The following UBE2R2 variants were observed in gnomAD, a reference collection of about 807,000 sequenced individuals.
UBE2R2 encodes ubiquitin conjugating enzyme E2 R2.
A neutral mutation model predicts 27.8 loss-of-function variants in UBE2R2; 1 was observed. The ratio of observed to expected loss-of-function variants is 0.04; its 90% CI spans 0.01 to 0.17. The LOEUF (loss-of-function observed/expected upper bound fraction) is 0.17. UBE2R2 is among the 10% of genes least tolerant of loss of function. UBE2R2 has a pLI of 1.00. For missense variants in UBE2R2, 100 were observed against 291.0 expected (o/e 0.34, Z 4.78); for synonymous variants, 106 against 113.3 (o/e 0.94, Z 0.41).
intron 1 of UBE2R2, among the ~76,000 whole-genome samples, chr9:33,833,352 A>G (rs1299108033): frequency 6.6e-6 from 1 of 152,134 alleles, no homozygotes; most frequent in Non-Finnish European, 1.5e-5. Flanking sequence ...GGCGTGAGCC[A>G]CCGCGCCCGA....
intron 1 of UBE2R2, among the ~76,000 whole-genome samples, chr9:33,859,781 TGTGTGTGTGTGTGTGTGTGAGA>T (rs1230002416): frequency 1.6e-4 from 19 of 118,562 alleles, no homozygotes; most frequent in Admixed American, 9.4e-4. Flanking sequence ...TGTGTGTGTG[TGTGTGTGTGTGTGTGTGTGAGA>T]GAGAGAGAGA....
At chr9:33,865,264 C>T (rs749033953) in intron 1 of UBE2R2, among the ~76,000 whole-genome samples, 140 of 151,854 alleles carry the variant, frequency 9.2e-4, no homozygotes, top group Middle Eastern at 3.4e-3. Flanking sequence ...TGCAGTGGTG[C>T]GATCTCGGCT....
intron 1 of UBE2R2, among the ~76,000 whole-genome samples, chr9:33,846,305 A>T (rs892898421): frequency 6.6e-6 from 1 of 152,100 alleles, no homozygotes; most frequent in African/African-American, 2.4e-5. Flanking sequence ...AAAATAAAAT[A>T]AAATATTCTA....
At chr9:33,904,826 G>A (rs757837416) in intron 3 of UBE2R2, among the ~76,000 whole-genome samples, 4 of 152,198 alleles carry the variant, frequency 2.6e-5, no homozygotes, top group African/African-American at 9.6e-5. Flanking sequence ...GGAGGTGGTG[G>A]GGAGAGTTTC....
At chr9:33,908,419 G>A (rs1453219583) in intron 3 of UBE2R2, among the ~76,000 whole-genome samples, 4 of 152,136 alleles carry the variant, frequency 2.6e-5, no homozygotes, top group African/African-American at 4.8e-5. Context: ...TGTTTGTATA[G>A]GAGGTGTGGC....
chr9:33,896,449 G>T (rs1346838803), intron 2 of UBE2R2, among the ~76,000 whole-genome samples: 2 of 143,042 alleles, frequency 1.4e-5, no homozygotes, highest in African/African-American at 2.5e-5. Context: ...GGTTTTTTTG[G>T]TTTTTTTTTT....
At chr9:33,878,875 T>C (rs1490365445) in intron 1 of UBE2R2, among the ~76,000 whole-genome samples, 5 of 152,156 alleles carry the variant, frequency 3.3e-5, no homozygotes, top group Non-Finnish European at 5.9e-5. Flanking sequence ...GGAGGACTTA[T>C]GTGTCCTGGA....
intron 1 of UBE2R2, among the ~76,000 whole-genome samples, chr9:33,834,478 T>C (rs1302727685): frequency 6.6e-6 from 1 of 151,914 alleles, no homozygotes; most frequent in African/African-American, 2.4e-5. Context: ...TCCCAAAGTG[T>C]TGGGATTACA....
intron 2 of UBE2R2, among the ~76,000 whole-genome samples, chr9:33,890,542 T>C (rs1253536025): frequency 6.6e-6 from 1 of 151,878 alleles, no homozygotes; most frequent in Non-Finnish European, 1.5e-5. Flanking sequence ...CCGGGCTCGG[T>C]GGCTCACGCC....
intron 1 of UBE2R2, among the ~76,000 whole-genome samples, chr9:33,862,079 G>A (rs980384496): frequency 6.6e-6 from 1 of 151,632 alleles, no homozygotes; most frequent in Non-Finnish European, 1.5e-5. Flanking sequence ...GATCTCGAAC[G>A]CCTGACCTCA....
At chr9:33,896,515 T>G (rs1822107858) in intron 2 of UBE2R2, among the ~76,000 whole-genome samples, 1 of 152,010 alleles carries the variant, frequency 6.6e-6, no homozygotes, top group East Asian at 1.9e-4. Flanking sequence ...CGATCTCGGC[T>G]CACTGCAACC....
intron 1 of UBE2R2, among the ~76,000 whole-genome samples, chr9:33,875,590 T>C (rs147636893): frequency 1.3e-5 from 2 of 152,246 alleles, no homozygotes; most frequent in East Asian, 3.9e-4. Flanking sequence ...AATTGTGTCT[T>C]GGGATCCATT....
chr9:33,844,803 G>A (rs1820806249), intron 1 of UBE2R2, among the ~76,000 whole-genome samples: 1 of 151,774 alleles, frequency 6.6e-6, no homozygotes, highest in South Asian at 2.1e-4. Context: ...GTCTTGCTCT[G>A]TGGCCCAGGC....
intron 3 of UBE2R2, among the ~76,000 whole-genome samples, chr9:33,902,712 C>T (rs1296525424): frequency 3.3e-5 from 5 of 152,080 alleles, no homozygotes; most frequent in Non-Finnish European, 5.9e-5. Flanking sequence ...ATTGAGAATA[C>T]GCTTTCTTTT....
chr9:33,848,207 T>C (rs1390661238), intron 1 of UBE2R2, among the ~76,000 whole-genome samples: 1 of 152,196 alleles, frequency 6.6e-6, no homozygotes, highest in African/African-American at 2.4e-5. Flanking sequence ...TAAATTCATT[T>C]TGTGCAATTT....
rs1320683799 is a variant in UBE2R2, at chr9:33,832,722, A to G, written c.177+14788A>G. Among the ~76,000 whole-genome samples the G allele has an allele frequency of 2.0e-5, 3 of 152,042 alleles. No homozygotes were observed. In the East Asian group the frequency reaches 5.8e-4, roughly 29 times the overall value. On this transcript the variant is annotated intron_variant, in intron 1 of 4. Coordinates refer to ENST00000263228, the MANE Select transcript of UBE2R2 (RefSeq NM_017811.4). ...TACTCTTTGGTTGAACTTTAATTAA[A>G]TTTTTTCAAGGTTTTTTTTAATGCT...
In UBE2R2 at chr9:33,843,087, G is replaced by A. The variant is rs898010069; in HGVS notation, c.177+25153G>A. ...TTTTAAGACAGAGTCTTGCTCTGTC[G>A]CCCAGGCTGGAGTGCAGTGGCACGA... On this transcript the variant is annotated intron_variant, in intron 1 of 4. Transcript: ENST00000263228. Among the ~76,000 whole-genome samples, 4 of 127,252 alleles carry A rather than the reference G, an allele frequency of 3.1e-5. No homozygotes were observed. The East Asian group carries it at 6.8e-4, about 22-fold the overall frequency. 83.5% of individuals were successfully genotyped at this position (127,252 alleles called of 152,430 possible). A position where few individuals can be genotyped will look rare whatever the true frequency, so the allele number is the denominator to read the frequency against.
rs1372200733 is a variant in UBE2R2 at position 33,919,444 on chromosome 9, G to A, written c.*2207G>A. ...ACCCTGGCATTGCGGGAGGTGCTCT[G>A]CTGCACAGCTGTTCCATCAGGCCCT... is the stretch of plus-strand genomic sequence containing the variant. On this transcript the variant is annotated 3_prime_UTR_variant, in exon 5 of 5. Coordinates refer to ENST00000263228, the MANE Select transcript of UBE2R2 (RefSeq NM_017811.4). 6.6e-6 allele frequency: 1 copy of A among 152,238 alleles called. No homozygotes were observed. Among genetic ancestry groups the A allele is most frequent in the Non-Finnish European group, 1.5e-5 (1 of 68,068 alleles). 9.4% of individuals were successfully genotyped at this position (152,238 alleles called of 1,614,324 possible).
At chr9:33,874,181 C>G (rs2764318) in intron 1 of UBE2R2, among the ~76,000 whole-genome samples, 1 of 152,032 alleles carries the variant, frequency 6.6e-6, no homozygotes, top group Non-Finnish European at 1.5e-5. Flanking sequence ...CTCCTGACTT[C>G]AAGTGATCTG....
Sources: allele counts gnomAD v4.1 joint callset (sites outside exome capture counted in the v4.1 genomes callset), GRCh38; gene constraint gnomAD v4.1.1; transcripts MANE v1.5; gene names NCBI Gene and HGNC (gene_info 2026-07-23, HGNC 2026-07-21).